DENND11: variants seen among roughly 807,000 people sequenced by gnomAD.
DENND11 encodes the protein DENN domain containing 11.
In DENND11, 34 loss-of-function variants were observed where a neutral mutation model predicts 49.2. The ratio of observed to expected loss-of-function variants is 0.69; its 90% CI spans 0.53 to 0.92. DENND11 has a LOEUF of 0.92. Among genes scored for constraint, DENND11 ranks in the 40% least tolerant of loss-of-function variants. DENND11 has a pLI of 0.00. For synonymous variants in DENND11, 238 were observed against 230.3 expected (o/e 1.03, Z -0.30); for missense variants, 475 against 581.6 (o/e 0.82, Z 1.88).
Position 141,674,231 on chromosome 7 carries a change from AC to A in DENND11, c.528-12del. 2 of 235,044 alleles carry A rather than the reference AC, an allele frequency of 8.5e-6. No individual in the cohort carries two copies. The highest frequency in any genetic ancestry group is 7.1e-6 in the Non-Finnish European group (1 of 140,358). 14.6% of individuals were successfully genotyped at this position (235,044 alleles called of 1,614,324 possible). A position where few individuals can be genotyped will look rare whatever the true frequency, so the allele number is the denominator to read the frequency against. On this transcript the variant is annotated splice_polypyrimidine_tract_variant and intron_variant, in intron 3 of 8. Transcript: ENST00000536163. ...ATCTCCAACTGGTGCCTGCAGAAAA[AC>A]ACACACACACACACACACACACACA...
At chr7:141,693,586 C>G (rs142937005) in intron 1 of DENND11, among the ~76,000 whole-genome samples, 2 of 152,304 alleles carry the variant, frequency 1.3e-5, no homozygotes, top group East Asian at 3.8e-4. Flanking sequence ...AACTGGAAAA[C>G]AACCATGATG....
Position 141,665,291 on chromosome 7 carries a change from A to G in DENND11, c.848T>C (p.Val283Ala). Residue 283 changes from valine to alanine, a missense_variant, in exon 6 of 9, where the codon GTT becomes GCT. Val to Ala is a moderately conservative substitution (Grantham distance 64). Coordinates refer to ENST00000536163, the MANE Select transcript of DENND11 (RefSeq NM_001080392.2). ...GGTGCCCCCGATGCCAGGCAGTGAA[A>G]CGTTGGCCAAGCAGCAGCAGCAGTA... ...RVYCCCCLAN[V>A]SLPGIGGTIP... The G allele has an allele frequency of 6.2e-7, 1 of 1,613,864 alleles. No homozygotes were observed. The highest frequency in any genetic ancestry group is 1.1e-5 in the South Asian group (1 of 91,022).
chr7:141,665,954 T>A (rs1445001757), intron 5 of DENND11, among the ~76,000 whole-genome samples: 1 of 151,508 alleles, frequency 6.6e-6, no homozygotes, highest in Non-Finnish European at 1.5e-5. Flanking sequence ...ACCCTTGTTA[T>A]CCTAGACTCT....
At chr7:141,669,070 C>T (rs1797937750) in intron 4 of DENND11, among the ~76,000 whole-genome samples, 1 of 152,136 alleles carries the variant, frequency 6.6e-6, no homozygotes, top group South Asian at 2.1e-4. Flanking sequence ...GGCCCAGCCC[C>T]CCTCCCCTGT....
In DENND11 at chr7:141,662,320, CCACA is replaced by C; in HGVS notation, c.*332_*335del. 3.8e-6 allele frequency: 1 copy of C among 262,632 alleles called. No individual in the cohort carries two copies. The highest frequency in any genetic ancestry group is 7.1e-6 in the Non-Finnish European group (1 of 140,496). 16.3% of individuals were successfully genotyped at this position (262,632 alleles called of 1,614,324 possible). A position where few individuals can be genotyped will look rare whatever the true frequency, so the allele number is the denominator to read the frequency against. ...TCTCAAATACATCAAGGGACAAAGA[CCACA>C]CAGACTTTCTGAACAGTCCATCCCA... is the stretch of plus-strand genomic sequence containing the variant. On this transcript the variant is annotated 3_prime_UTR_variant, in exon 9 of 9. Coordinates refer to ENST00000536163, the MANE Select transcript of DENND11 (RefSeq NM_001080392.2).
intron 1 of DENND11, 100 bp downstream of exon 1, chr7:141,701,785 CG>C: frequency 1.0e-6 from 1 of 985,792 alleles, no homozygotes; most frequent in African/African-American, 1.7e-5. Flanking sequence ...GGTGCGGGGC[CG>C]GGAGGGCAGG....
At chr7:141,694,106 T>C (rs1233789616) in intron 1 of DENND11, among the ~76,000 whole-genome samples, 2 of 152,188 alleles carry the variant, frequency 1.3e-5, no homozygotes, top group African/African-American at 4.8e-5. Context: ...TACTTTCTGC[T>C]CAATTTTTCT....
rs994498013 is a variant in DENND11, at chr7:141,701,258, A to C, written c.268+628T>G. Reference sequence around the variant, plus strand: ...GCCTTCAGCTGAATCCCTCAGCCCCATCCCTTAATGCTCCCGGCGTTAATT... The same window carrying C: ...GCCTTCAGCTGAATCCCTCAGCCCCCTCCCTTAATGCTCCCGGCGTTAATT... On this transcript the variant is annotated intron_variant, in intron 1 of 8. Coordinates refer to ENST00000536163, the MANE Select transcript of DENND11 (RefSeq NM_001080392.2). Among the ~76,000 whole-genome samples, 12 of 152,082 alleles carry C rather than the reference A, an allele frequency of 7.9e-5. No individual in the cohort carries two copies. In the South Asian group the frequency reaches 8.3e-4, roughly 11 times the overall value.
chr7:141,666,828 T>C (rs1159581637), intron 4 of DENND11, among the ~76,000 whole-genome samples: 1 of 152,216 alleles, frequency 6.6e-6, no homozygotes, highest in Non-Finnish European at 1.5e-5. Context: ...CCCAAATCTA[T>C]GGGGGCTGCT....
At position 141,702,127 on chromosome 7, in the gene DENND11, CG is replaced by C; in HGVS notation, c.26del (p.Pro9ArgfsTer85). The part of the protein sequence containing the change: MVEQGDAA[P>X]LLRWAEGPAV... ...CGGGGCCCTCGGCCCAGCGCAGCAG[CG>C]GCGCCGCGTCTCCCTGCTCCACCAT... On this transcript the variant is annotated frameshift_variant, in exon 1 of 9. Transcript: ENST00000536163. LOFTEE classifies it high-confidence loss of function. 2 of 983,162 alleles carry C rather than the reference CG, an allele frequency of 2.0e-6. No homozygotes were observed. The highest frequency in any genetic ancestry group is 2.4e-6 in the Non-Finnish European group (2 of 829,958). The allele number at this position is 983,162 out of a possible 1,614,324, so 60.9% of individuals were successfully genotyped here. A position where few individuals can be genotyped will look rare whatever the true frequency, so the allele number is the denominator to read the frequency against.
chr7:141,675,485 T>C (rs1384842029), intron 3 of DENND11, among the ~76,000 whole-genome samples: 4 of 152,204 alleles, frequency 2.6e-5, no homozygotes, highest in Non-Finnish European at 5.9e-5. Flanking sequence ...TTTCTCAGTG[T>C]CCTACAATTT....
intron 3 of DENND11, among the ~76,000 whole-genome samples, chr7:141,683,425 G>A (rs952590588): frequency 1.3e-5 from 2 of 152,096 alleles, no homozygotes; most frequent in African/African-American, 4.8e-5. Flanking sequence ...CAGATCACGA[G>A]GTCAGGAGTT....
intron 1 of DENND11, among the ~76,000 whole-genome samples, chr7:141,699,174 A>C (rs1270077568): frequency 6.6e-6 from 1 of 152,192 alleles, no homozygotes; most frequent in Non-Finnish European, 1.5e-5. Context: ...AGGAGGGGCA[A>C]AAGTCTGGGT....
chr7:141,672,724 A>T (rs1001808172), intron 4 of DENND11, among the ~76,000 whole-genome samples: 1 of 152,188 alleles, frequency 6.6e-6, no homozygotes, highest in Non-Finnish European at 1.5e-5. Context: ...TTAAACCATT[A>T]ATTTGGGGAT....
chr7:141,666,527 A>G, intron 4 of DENND11, 102 bp from the exon 5 acceptor site: 1 of 1,112,382 alleles, frequency 9.0e-7, no homozygotes, highest in Non-Finnish European at 1.2e-6. Context: ...TCTAAAGTCC[A>G]TCCAAACAGA....
intron 4 of DENND11, among the ~76,000 whole-genome samples, chr7:141,670,859 C>A (rs1797969889): frequency 6.6e-6 from 1 of 152,182 alleles, no homozygotes; most frequent in Non-Finnish European, 1.5e-5. Context: ...ATGGGAGGAA[C>A]TGCATAGGTT....
chr7:141,664,141 G>A (rs1034776142), intron 8 of DENND11, 31 bp downstream of exon 8: 2 of 1,538,680 alleles, frequency 1.3e-6, no homozygotes, highest in Non-Finnish European at 1.8e-6. Context: ...GATCCTCAGG[G>A]AGACTCCACA....
intron 3 of DENND11, among the ~76,000 whole-genome samples, chr7:141,677,743 A>G (rs983135449): frequency 1.3e-5 from 2 of 151,822 alleles, no homozygotes; most frequent in South Asian, 4.2e-4. Context: ...CTAGACATGA[A>G]CAGTCATTTA....
chr7:141,671,957 T>C lies in DENND11; in HGVS notation c.681+2110A>G, dbSNP rs150411009. Among the ~76,000 whole-genome samples the C allele has an allele frequency of 3.9e-4, 60 of 152,362 alleles. 1 individual carries two copies. The East Asian group carries it at 9.6e-3, about 24-fold the overall frequency. On this transcript the variant is annotated intron_variant, in intron 4 of 8. Transcript: ENST00000536163. ...TGTTAGAGTTCTTCAATGGAGAGCA[T>C]GGACTGTAGATTGAAAGGCAGAAGG...
Sources: gnomAD v4.1 joint callset for allele counts (sites outside exome capture counted in the v4.1 genomes callset) on GRCh38, gnomAD v4.1.1 for gene constraint, MANE v1.5 for transcripts, NCBI Gene and HGNC (gene_info 2026-07-23, HGNC 2026-07-21) for gene names.